CFAP97: variants seen among roughly 807,000 people sequenced by gnomAD.
CFAP97 encodes cilia and flagella associated protein 97.
In CFAP97, 36 loss-of-function variants were observed where a neutral mutation model predicts 43.1. That is an observed-to-expected ratio of 0.84 (90% CI 0.64 to 1.10). CFAP97 has a LOEUF of 1.10. Ranked by LOEUF, CFAP97 falls within the 50% of genes least tolerant of loss-of-function variation. CFAP97 has a pLI of 0.00. For missense variants in CFAP97, 657 were observed against 620.3 expected (o/e 1.06, Z -0.63); for synonymous variants, 228 against 225.7 (o/e 1.01, Z -0.09).
chr4:185,170,478 C>A, intron 3 of CFAP97: 1 of 366,370 alleles, frequency 2.7e-6, no homozygotes, highest in Non-Finnish European at 4.9e-6. Flanking sequence ...CTCACTGCAA[C>A]CTCTGCTTCC....
intron 1 of CFAP97, among the ~76,000 whole-genome samples, chr4:185,195,257 G>C (rs1268036497): frequency 6.6e-6 from 1 of 152,202 alleles, no homozygotes; most frequent in Non-Finnish European, 1.5e-5. Flanking sequence ...GGGAGGCCAA[G>C]GTGGGAGGAC....
chr4:185,194,319 T>C lies in CFAP97; in HGVS notation c.-16-3107A>G, dbSNP rs377748499. 4.1e-4 allele frequency among the ~76,000 whole-genome samples: 62 copies of C among 152,236 alleles called. No homozygotes were observed. In the East Asian group the frequency reaches 0.01, roughly 25 times the overall value. The stretch of plus-strand genomic sequence containing the variant: ...GCCCGGTCCACATGGCGAAACTCCT[T>C]CTCTACTAAAAATACAAAAATTAGC... On this transcript the variant is annotated intron_variant, in intron 1 of 4. Coordinates refer to ENST00000458385, the MANE Select transcript of CFAP97 (RefSeq NM_020827.3).
At chr4:185,198,761 C>T (rs1736676843) in intron 1 of CFAP97, among the ~76,000 whole-genome samples, 1 of 132,798 alleles carries the variant, frequency 7.5e-6, no homozygotes, top group Non-Finnish European at 1.6e-5. Flanking sequence ...TGCACTCCAG[C>T]CTGGGCAACA....
At chr4:185,194,728 A>G (rs528407701) in intron 1 of CFAP97, among the ~76,000 whole-genome samples, 1 of 152,330 alleles carries the variant, frequency 6.6e-6, no homozygotes, top group African/African-American at 2.4e-5. Flanking sequence ...ATGAACATGA[A>G]AAATACAGAA....
At chr4:185,202,569 A>AAAAG (rs1736915226) in intron 1 of CFAP97, among the ~76,000 whole-genome samples, 1 of 151,822 alleles carries the variant, frequency 6.6e-6, no homozygotes, top group African/African-American at 2.4e-5. Flanking sequence ...AAACAAAAAA[A>AAAAG]ATCACCGGGT....
At chr4:185,202,931 A>G (rs1350490431) in intron 1 of CFAP97, among the ~76,000 whole-genome samples, 1 of 152,238 alleles carries the variant, frequency 6.6e-6, no homozygotes, top group Non-Finnish European at 1.5e-5. Flanking sequence ...ACCAGAGAAT[A>G]AGAAAAATGA....
rs778362979 is a variant in CFAP97 at position 185,181,320 on chromosome 4, CTTTTTTT to C, written c.1055-5276_1055-5270del. ...AAAAGCAAATCAAGGCATAATCATA[CTTTTTTT>C]TTTTTTTTTTTTTTTGAGACGGAGT... On this transcript the variant is annotated intron_variant, in intron 2 of 4. Coordinates refer to ENST00000458385, the MANE Select transcript of CFAP97 (RefSeq NM_020827.3). 9.2e-4 allele frequency among the ~76,000 whole-genome samples: 91 copies of C among 99,212 alleles called. 1 individual carries two copies. The highest frequency in any genetic ancestry group is 7.5e-4 in the Admixed American group (6 of 7,966). 65.1% of individuals were successfully genotyped at this position (99,212 alleles called of 152,430 possible).
intron 2 of CFAP97, among the ~76,000 whole-genome samples, chr4:185,189,402 G>A (rs143598603): frequency 6.6e-6 from 1 of 152,080 alleles, no homozygotes; most frequent in Non-Finnish European, 1.5e-5. Context: ...GGAAGACAGA[G>A]AATTCTATTT....
intron 2 of CFAP97, among the ~76,000 whole-genome samples, chr4:185,181,113 T>G (rs1176581226): frequency 6.6e-6 from 1 of 151,346 alleles, no homozygotes; most frequent in East Asian, 2.0e-4. Context: ...CAAAATACTC[T>G]AAAAATACAA....
chr4:185,171,013 A>T (rs983777260), intron 3 of CFAP97, among the ~76,000 whole-genome samples: 1 of 104,504 alleles, frequency 9.6e-6, no homozygotes, highest in Non-Finnish European at 2.1e-5. Context: ...AAAAAAAAAA[A>T]GAACTGCCTT....
upstream of CFAP97, among the ~76,000 whole-genome samples, chr4:185,208,308 G>A (rs768431938): frequency 1.3e-4 from 19 of 151,952 alleles, no homozygotes; most frequent in Admixed American, 3.3e-4. Flanking sequence ...GAGCCACCGT[G>A]CCCGCCCCTA....
chr4:185,163,539 G>A (rs536112618), intron 4 of CFAP97, among the ~76,000 whole-genome samples: 60 of 152,046 alleles, frequency 3.9e-4, no homozygotes, highest in African/African-American at 1.4e-3. Context: ...GCACACAGCT[G>A]GCTAGGTCTG....
chr4:185,179,320 T>C (rs1179508751), intron 2 of CFAP97, among the ~76,000 whole-genome samples: 1 of 152,128 alleles, frequency 6.6e-6, no homozygotes, highest in Non-Finnish European at 1.5e-5. Context: ...AATCTTTAAA[T>C]TAAAGATTAT....
chr4:185,163,835 T>G (rs1043740528), intron 4 of CFAP97, among the ~76,000 whole-genome samples, 194 bp downstream of exon 4: 23 of 152,194 alleles, frequency 1.5e-4, no homozygotes, highest in African/African-American at 5.1e-4. Context: ...CTGGTTTCCT[T>G]CCTGTCATTA....
intron 3 of CFAP97, chr4:185,170,210 G>A: frequency 1.7e-6 from 1 of 593,620 alleles, no homozygotes; most frequent in East Asian, 3.2e-5. Flanking sequence ...GCTGGGTGTG[G>A]TGGTGTAAGC....
In CFAP97 at chr4:185,175,849, TG is replaced by T. The variant is rs1392470551; in HGVS notation, c.1256del (p.Pro419GlnfsTer25). The T allele has an allele frequency of 6.2e-7, 1 of 1,613,886 alleles. No individual in the cohort carries two copies. The highest frequency in any genetic ancestry group is 8.5e-7 in the Non-Finnish European group (1 of 1,179,888). On this transcript the variant is annotated frameshift_variant, in exon 3 of 5. Coordinates refer to ENST00000458385, the MANE Select transcript of CFAP97 (RefSeq NM_020827.3). LOFTEE classifies it high-confidence loss of function. ...STIPRSADHP[P>X]KLYHSALNRQ... Reference sequence around the variant, plus strand: ...TGTTGAGAGCACTGTGATATAACTTTGGGGGATGATCAGCCGATCTAGGAAT... The same window carrying T: ...TGTTGAGAGCACTGTGATATAACTTTGGGGATGATCAGCCGATCTAGGAAT...
In CFAP97 at chr4:185,171,252, C is replaced by A. The variant is rs111658316; in HGVS notation, c.1320+4534G>T. On this transcript the variant is annotated intron_variant, in intron 3 of 4. Transcript: ENST00000458385. The stretch of plus-strand genomic sequence containing the variant: ...GGGTGTCACACGCTTGTAGTCCCAG[C>A]TACTCGGGAGGCTGAGCTGGGAGGA... Among the ~76,000 whole-genome samples the A allele has an allele frequency of 5.4e-3, 823 of 152,160 alleles. 9 individuals carry two copies. Among genetic ancestry groups the A allele is most frequent in the African/African-American group, 0.019 (794 of 41,516 alleles).
chr4:185,206,852 C>G (rs1269431056), upstream of CFAP97, among the ~76,000 whole-genome samples: 1 of 152,068 alleles, frequency 6.6e-6, no homozygotes, highest in African/African-American at 2.4e-5. Flanking sequence ...TGGTGTGGCT[C>G]AGTCCAACTC....
rs1383847047 is a variant in CFAP97 at position 185,160,917 on chromosome 4, G to T, written c.*1881C>A. 6.9e-6 allele frequency: 1 copy of T among 144,830 alleles called. No individual in the cohort carries two copies. Among genetic ancestry groups the T allele is most frequent in the Non-Finnish European group, 1.5e-5 (1 of 66,036 alleles). The allele number at this position is 144,830 out of a possible 1,614,324, so 9.0% of individuals were successfully genotyped here. On this transcript the variant is annotated 3_prime_UTR_variant, in exon 5 of 5. Transcript: ENST00000458385. ...AAAAGATTTTTTATATATATAAAAA[G>T]ATTATATATATAAAACATATATATA...
Sources: allele counts gnomAD v4.1 joint callset (sites outside exome capture counted in the v4.1 genomes callset), GRCh38; gene constraint gnomAD v4.1.1; transcripts MANE v1.5; gene names NCBI Gene and HGNC (gene_info 2026-07-23, HGNC 2026-07-21).